PCDHGA5: variants seen among roughly 807,000 people sequenced by gnomAD.
PCDHGA5 encodes the protein protocadherin gamma-A5.
A neutral mutation model predicts 56.7 loss-of-function variants in PCDHGA5; 36 were observed. The ratio of observed to expected loss-of-function variants is 0.64; its 90% CI spans 0.49 to 0.84. The LOEUF (loss-of-function observed/expected upper bound fraction) is 0.84. Among genes scored for constraint, PCDHGA5 ranks in the 40% least tolerant of loss-of-function variants. The probability of loss-of-function intolerance (pLI) is 0.00; values close to 1 mark genes in which losing one functional copy is unlikely to be tolerated. For missense variants in PCDHGA5, 1,305 were observed against 1,201.5 expected, an observed-to-expected ratio of 1.09 and a Z score of -1.27; for synonymous variants, 563 against 520.2, an observed-to-expected ratio of 1.08 and a Z score of -1.12.
chr5:141,394,864 C>T, intron 1 of PCDHGA5: 4 of 1,613,780 alleles, frequency 2.5e-6, no homozygotes, highest in Non-Finnish European at 3.4e-6. Context: ...TCGGTCGACC[C>T]GAACGATTCG....
chr5:141,399,561 G>A, intron 1 of PCDHGA5: 2 of 1,614,042 alleles, frequency 1.2e-6, no homozygotes, highest in Non-Finnish European at 1.7e-6. Flanking sequence ...TGGACTTGGG[G>A]TTGAACGGCC....
intron 1 of PCDHGA5, chr5:141,375,368 A>G (rs774708513): frequency 1.9e-6 from 3 of 1,613,754 alleles, no homozygotes; most frequent in East Asian, 4.5e-5. Context: ...GGACAAAGGA[A>G]CACCACCTCT....
At chr5:141,382,816 T>G (rs1778462841) in intron 1 of PCDHGA5, 1 of 1,275,448 alleles carries the variant, frequency 7.8e-7, no homozygotes, top group Non-Finnish European at 1.1e-6. Context: ...CTCCCCTTCC[T>G]AAGACAGAGG....
chr5:141,410,699 A>G (rs760193148), intron 1 of PCDHGA5: 1 of 1,478,344 alleles, frequency 6.8e-7, no homozygotes, highest in East Asian at 2.3e-5. Flanking sequence ...CTTTATTTTC[A>G]TATCTAGAAT....
Position 141,432,224 on chromosome 5 carries a change from T to C in PCDHGA5, c.2422-62583T>C. On this transcript the variant is annotated intron_variant, in intron 1 of 3. Transcript: ENST00000518069. The surrounding 1 kb of genome is among the most constrained non-coding windows in gnomAD (Gnocchi z 6.0). The stretch of plus-strand genomic sequence containing the variant: ...CTGTGAAGAGAACGCCCAGATCACT[T>C]ATTCCCTGGCTGAGAACACCATCCA... 6.2e-7 allele frequency: 1 copy of C among 1,614,138 alleles called. No homozygotes were observed. Among genetic ancestry groups the C allele is most frequent in the Non-Finnish European group, 8.5e-7 (1 of 1,180,024 alleles).
chr5:141,403,632 G>A (rs759489331), intron 1 of PCDHGA5: 2 of 1,613,916 alleles, frequency 1.2e-6, no homozygotes, highest in Admixed American at 1.7e-5. Context: ...AGCACAGTGC[G>A]CATCCATGTG....
rs1199932362 is a variant in PCDHGA5, at chr5:141,364,201, G to C, written c.-130G>C. The stretch of plus-strand genomic sequence containing the variant: ...CCCTCCATACTAAACACACAGACCA[G>C]ACAAGCTCCTACGAAAAGCCAACGC... On this transcript the variant is annotated 5_prime_UTR_variant, in exon 1 of 4. Transcript: ENST00000518069. 1 of 1,146,160 alleles carries C rather than the reference G, an allele frequency of 8.7e-7. No individual in the cohort carries two copies. Among genetic ancestry groups the C allele is most frequent in the Admixed American group, 3.2e-5 (1 of 30,902 alleles). The allele number at this position is 1,146,160 out of a possible 1,614,324, so 71.0% of individuals were successfully genotyped here.
At chr5:141,421,261 C>T (rs753531462) in intron 1 of PCDHGA5, 24 of 1,609,076 alleles carry the variant, frequency 1.5e-5, no homozygotes, top group Non-Finnish European at 2.0e-5. Context: ...GGACCGCAGT[C>T]GGCTGCTGCT....
chr5:141,427,491 G>A (rs1158414276), intron 1 of PCDHGA5: 1 of 553,626 alleles, frequency 1.8e-6, no homozygotes, highest in Non-Finnish European at 3.4e-6. Context: ...CTATAAGCTT[G>A]TAACAGATGG....
chr5:141,494,431 T>C (rs1403792155), intron 1 of PCDHGA5, among the ~76,000 whole-genome samples: 1 of 152,158 alleles, frequency 6.6e-6, no homozygotes, highest in Non-Finnish European at 1.5e-5. Context: ...TTGAAAAGCC[T>C]CCTTTGCCAC....
At chr5:141,451,019 G>A (rs1348607593) in intron 1 of PCDHGA5, among the ~76,000 whole-genome samples, 7 of 151,274 alleles carry the variant, frequency 4.6e-5, no homozygotes, top group Admixed American at 2.0e-4. Context: ...TAGTAGAGAC[G>A]AGGTTTCACC....
chr5:141,388,170 T>A (rs756859307), intron 1 of PCDHGA5: 1 of 1,495,754 alleles, frequency 6.7e-7, no homozygotes, highest in East Asian at 2.3e-5. Context: ...GGAGGAGATA[T>A]GCGGGAAGAA....
chr5:141,441,811 C>A (rs1007948586), intron 1 of PCDHGA5: 2 of 370,710 alleles, frequency 5.4e-6, no homozygotes, highest in African/African-American at 2.2e-5. Flanking sequence ...GTGCTGTACC[C>A]CAGCTCTGGA....
intron 1 of PCDHGA5, chr5:141,423,658 CA>C: frequency 6.4e-7 from 1 of 1,571,150 alleles, no homozygotes; most frequent in Non-Finnish European, 8.6e-7. Flanking sequence ...GACAAGTAAT[CA>C]GGTGAGATTT....
chr5:141,505,343 G>C (rs2099845454), intron 2 of PCDHGA5, 50 bp from the exon 3 acceptor site: 1 of 1,612,934 alleles, frequency 6.2e-7, no homozygotes, highest in Non-Finnish European at 8.5e-7. Context: ...GGAGGGGCAT[G>C]AGCTGTGCCG....
intron 1 of PCDHGA5, chr5:141,399,009 C>T (rs759328384): frequency 8.1e-6 from 13 of 1,613,694 alleles, no homozygotes; most frequent in African/African-American, 1.3e-5. Context: ...ATTCAAAGAG[C>T]GGAGAAATTA....
Position 141,413,878 on chromosome 5 carries a change from A to G in PCDHGA5, c.2421+47127A>G, listed in dbSNP as rs752517949. ...ATCTGGCACTGTCCTTGTCAGTGTGACTGTCTTCGATGCAAATGACAACGC... is the reference window on the plus strand; with the variant it reads ...ATCTGGCACTGTCCTTGTCAGTGTGGCTGTCTTCGATGCAAATGACAACGC... On this transcript the variant is annotated intron_variant, in intron 1 of 3. Coordinates refer to ENST00000518069, the MANE Select transcript of PCDHGA5 (RefSeq NM_018918.3). 2.5e-6 allele frequency: 4 copies of G among 1,613,272 alleles called. No individual in the cohort carries two copies. The South Asian group carries it at 3.3e-5, about 13-fold the overall frequency.
At chr5:141,433,111 C>T (rs2097569323) in intron 1 of PCDHGA5, 1 of 1,613,966 alleles carries the variant, frequency 6.2e-7, no homozygotes, top group African/African-American at 1.3e-5. Context: ...GCCAGGAGAG[C>T]TTTGAAAAAA....
chr5:141,374,116 C>T (rs1328761924), intron 1 of PCDHGA5: 2 of 1,580,576 alleles, frequency 1.3e-6, no homozygotes, highest in Non-Finnish European at 1.7e-6. Flanking sequence ...CGCAGCGCAG[C>T]GAGCAGGTCC....
Sources: gnomAD v4.1 joint callset for allele counts (sites outside exome capture counted in the v4.1 genomes callset) on GRCh38, gnomAD v4.1.1 for gene constraint, Gnocchi (gnomAD v3.1) non-coding constraint, MANE v1.5 for transcripts, NCBI Gene and HGNC (gene_info 2026-07-23, HGNC 2026-07-21) for gene names.